Variants in P3H2 observed in about 807,000 individuals in gnomAD.
The protein encoded by P3H2 is prolyl 3-hydroxylase 2.
P3H2 carries 80 observed loss-of-function variants against 87.0 expected under a neutral mutation model. The observed-to-expected ratio is 0.92, with a 90% CI of 0.77 to 1.11. The LOEUF (loss-of-function observed/expected upper bound fraction) is 1.11, where lower values mean the gene tolerates loss of function less well. P3H2 is among the 50% of genes least tolerant of loss of function. The probability of loss-of-function intolerance (pLI) is 0.00; values close to 1 mark genes in which losing one functional copy is unlikely to be tolerated. For missense variants in P3H2, 1,001 were observed against 923.9 expected (o/e 1.08, Z -1.08); for synonymous variants, 367 against 359.3 (o/e 1.02, Z -0.24).
At chr3:190,048,371 C>A (rs1725871359) in intron 1 of P3H2, among the ~76,000 whole-genome samples, 1 of 152,146 alleles carries the variant, frequency 6.6e-6, no homozygotes, top group African/African-American at 2.4e-5. Flanking sequence ...GTGGCAGGTG[C>A]CTATAATCCC....
chr3:189,991,894 G>A (rs1030530582), intron 3 of P3H2, among the ~76,000 whole-genome samples: 2 of 152,176 alleles, frequency 1.3e-5, no homozygotes, highest in South Asian at 2.1e-4. Flanking sequence ...GACATGAAGA[G>A]CAACAAGGAG....
At chr3:190,009,691 A>G (rs543085515) in intron 1 of P3H2, among the ~76,000 whole-genome samples, 26 of 152,242 alleles carry the variant, frequency 1.7e-4, no homozygotes, top group Non-Finnish European at 3.5e-4. Flanking sequence ...ATAGCCTTCC[A>G]TCTGAGAGTT....
At chr3:190,062,213 C>G (rs1179035690) in intron 1 of P3H2, among the ~76,000 whole-genome samples, 1 of 152,072 alleles carries the variant, frequency 6.6e-6, no homozygotes, top group South Asian at 2.1e-4. Flanking sequence ...TATCTCTTTG[C>G]TCTCAAACCC....
chr3:190,084,779 T>A (rs749698175), intron 1 of P3H2, among the ~76,000 whole-genome samples: 17 of 152,184 alleles, frequency 1.1e-4, no homozygotes, highest in African/African-American at 3.6e-4. Flanking sequence ...TAGTACAACT[T>A]TTCTGAACTG....
intron 3 of P3H2, among the ~76,000 whole-genome samples, chr3:189,992,435 G>A (rs1266535798): frequency 1.3e-5 from 2 of 152,092 alleles, no homozygotes; most frequent in Non-Finnish European, 2.9e-5. Flanking sequence ...ACTGGAAGTT[G>A]GGGAGAGCAA....
chr3:190,090,757 T>C (rs1409821276), intron 1 of P3H2, among the ~76,000 whole-genome samples: 2 of 152,106 alleles, frequency 1.3e-5, no homozygotes, highest in African/African-American at 4.8e-5. Flanking sequence ...GTAAACCTAG[T>C]AGAATTCTTC....
Position 190,039,058 on chromosome 3 carries a change from A to G in P3H2, c.481-43616T>C, listed in dbSNP as rs576251085. ...TACAAAATTAGCCGGGCGAGGTGGCATATGCCTGTAATCCCAGCTACTTGG... is the reference window on the plus strand; with the variant it reads ...TACAAAATTAGCCGGGCGAGGTGGCGTATGCCTGTAATCCCAGCTACTTGG... On this transcript the variant is annotated intron_variant, in intron 1 of 14. Coordinates refer to ENST00000319332, the MANE Select transcript of P3H2 (RefSeq NM_018192.4). Among the ~76,000 whole-genome samples, 7 of 152,204 alleles carry G rather than the reference A, an allele frequency of 4.6e-5. No individual in the cohort carries two copies. In the South Asian group the frequency reaches 1.5e-3, roughly 32 times the overall value.
chr3:190,102,465 A>AT (rs1248268462), intron 1 of P3H2, among the ~76,000 whole-genome samples: 1 of 152,248 alleles, frequency 6.6e-6, no homozygotes, highest in Non-Finnish European at 1.5e-5. Flanking sequence ...GGAATTCAAG[A>AT]TTTCAGTGGA....
chr3:190,024,874 T>G (rs551846466), intron 1 of P3H2, among the ~76,000 whole-genome samples: 1 of 152,296 alleles, frequency 6.6e-6, no homozygotes, highest in Non-Finnish European at 1.5e-5. Context: ...TACCTACACA[T>G]GATCATAAAT....
At chr3:190,001,052 T>C (rs1042996390) in intron 1 of P3H2, among the ~76,000 whole-genome samples, 3 of 152,224 alleles carry the variant, frequency 2.0e-5, no homozygotes, top group African/African-American at 7.2e-5. Context: ...TTCCTTTCTC[T>C]TCGTCTATTT....
intron 1 of P3H2, among the ~76,000 whole-genome samples, chr3:190,047,827 T>C (rs541976342): frequency 6.6e-6 from 1 of 152,240 alleles, no homozygotes; most frequent in African/African-American, 2.4e-5. Flanking sequence ...GGTATAAAAA[T>C]ACAGTTAGAT....
At chr3:190,112,076 C>T (rs569591149) in intron 1 of P3H2, among the ~76,000 whole-genome samples, 10 of 152,232 alleles carry the variant, frequency 6.6e-5, no homozygotes, top group South Asian at 2.1e-4. Context: ...TATAATTATG[C>T]GCCATTTGAA....
chr3:190,120,180 G>A lies in P3H2; in HGVS notation c.480+72C>T, dbSNP rs1712482797. On this transcript the variant is annotated intron_variant, in intron 1 of 14. Transcript: ENST00000319332. ...GAAAGACTGAACAGAGATGACGGGGGCAGCAGGGAGGGCTCAAGAGAGCGT... is the reference window on the plus strand; with the variant it reads ...GAAAGACTGAACAGAGATGACGGGGACAGCAGGGAGGGCTCAAGAGAGCGT... 20 of 1,528,480 alleles carry A rather than the reference G, an allele frequency of 1.3e-5. No homozygotes were observed. In the South Asian group the frequency reaches 2.1e-4, roughly 16 times the overall value. 94.7% of individuals were successfully genotyped at this position (1,528,480 alleles called of 1,614,324 possible).
chr3:190,113,199 T>A (rs1712141336), intron 1 of P3H2, among the ~76,000 whole-genome samples: 1 of 152,216 alleles, frequency 6.6e-6, no homozygotes, highest in Admixed American at 6.5e-5. Flanking sequence ...AGTAGGAGAC[T>A]GGAAGTGAGA....
At chr3:190,071,978 G>GTTTTTTTT (rs60227697) in intron 1 of P3H2, among the ~76,000 whole-genome samples, 1 of 119,244 alleles carries the variant, frequency 8.4e-6, no homozygotes, top group Non-Finnish European at 1.7e-5. Context: ...AAGATGAAGG[G>GTTTTTTTT]TTTTTTTTTT....
chr3:189,972,310 C>T (rs962234634), intron 11 of P3H2, among the ~76,000 whole-genome samples: 4 of 152,004 alleles, frequency 2.6e-5, no homozygotes, highest in African/African-American at 9.7e-5. Context: ...CATAGGGCAG[C>T]AAAACAATGG....
intron 9 of P3H2, 45 bp downstream of exon 9, chr3:189,974,513 T>C: frequency 6.2e-7 from 1 of 1,612,000 alleles, no homozygotes; most frequent in Non-Finnish European, 8.5e-7. Context: ...TCCAGCTTCT[T>C]GGCAGGCCAG....
intron 1 of P3H2, among the ~76,000 whole-genome samples, chr3:190,090,295 C>T (rs926649582): frequency 6.6e-6 from 1 of 152,230 alleles, no homozygotes; most frequent in Non-Finnish European, 1.5e-5. Context: ...AAAAAATATG[C>T]TGAGTAAAAT....
At chr3:189,988,608 G>C (rs1723780384) in intron 4 of P3H2, among the ~76,000 whole-genome samples, 1 of 152,100 alleles carries the variant, frequency 6.6e-6, no homozygotes, top group African/African-American at 2.4e-5. Context: ...AAAGGAAGAG[G>C]ATTTTGCAAA....
Sources: allele counts gnomAD v4.1 joint callset (sites outside exome capture counted in the v4.1 genomes callset), GRCh38; gene constraint gnomAD v4.1.1; transcripts MANE v1.5; gene names NCBI Gene and HGNC (gene_info 2026-07-23, HGNC 2026-07-21).